The following PLCL2 variants were observed in gnomAD, a reference collection of about 807,000 sequenced individuals.
PLCL2 encodes inactive phospholipase C-like protein 2.
A neutral mutation model predicts 79.6 loss-of-function variants in PLCL2; 4 were observed. That is an observed-to-expected ratio of 0.05 (90% CI 0.02 to 0.11). The LOEUF is 0.11. PLCL2 is among the 10% of genes least tolerant of loss of function. The probability of loss-of-function intolerance (pLI) is 1.00; values close to 1 mark genes in which losing one functional copy is unlikely to be tolerated. For missense variants in PLCL2, 895 were observed against 1,291.0 expected, an observed-to-expected ratio of 0.69 and a Z score of 4.70; for synonymous variants, 484 against 457.7, an observed-to-expected ratio of 1.06 and a Z score of -0.73.
intron 3 of PLCL2, among the ~76,000 whole-genome samples, chr3:17,034,284 C>T (rs1191648304): frequency 6.6e-6 from 1 of 152,126 alleles, no homozygotes; most frequent in Non-Finnish European, 1.5e-5. Flanking sequence ...GGCATCCTGT[C>T]CAGGGTGGGT....
chr3:16,947,924 A>G (rs1035351423), intron 1 of PLCL2, among the ~76,000 whole-genome samples: 1 of 152,242 alleles, frequency 6.6e-6, no homozygotes, highest in African/African-American at 2.4e-5. Flanking sequence ...TTAGTTTTAT[A>G]AAATAGCTCA....
intron 3 of PLCL2, among the ~76,000 whole-genome samples, chr3:17,033,109 T>C (rs2064602788): frequency 6.6e-6 from 1 of 152,166 alleles, no homozygotes; most frequent in African/African-American, 2.4e-5. Context: ...ATAAAAGTTA[T>C]GTAACAGGAA....
intron 1 of PLCL2, among the ~76,000 whole-genome samples, chr3:16,954,287 T>A (rs2063682365): frequency 6.6e-6 from 1 of 152,188 alleles, no homozygotes; most frequent in African/African-American, 2.4e-5. Flanking sequence ...TTTGGTTTTT[T>A]GTCCTTGCGA....
intron 1 of PLCL2, among the ~76,000 whole-genome samples, chr3:17,001,284 G>A (rs1432931741): frequency 6.6e-6 from 1 of 151,778 alleles, no homozygotes; most frequent in Non-Finnish European, 1.5e-5. Flanking sequence ...TGCCTCATTG[G>A]ACAGTTTGCA....
intron 1 of PLCL2, among the ~76,000 whole-genome samples, chr3:16,923,210 G>A (rs1467472279): frequency 2.0e-5 from 3 of 152,198 alleles, no homozygotes; most frequent in Admixed American, 2.0e-4. Flanking sequence ...GAGGGATAAG[G>A]GAGAGCTCAG....
chr3:16,932,534 A>G (rs1020259896), intron 1 of PLCL2, among the ~76,000 whole-genome samples: 2 of 152,206 alleles, frequency 1.3e-5, no homozygotes, highest in Admixed American at 1.3e-4. Flanking sequence ...CATCTTGGTA[A>G]TAAGACAAGA....
At chr3:17,084,899 C>T (rs1204903668) in intron 5 of PLCL2, among the ~76,000 whole-genome samples, 1 of 152,110 alleles carries the variant, frequency 6.6e-6, no homozygotes, top group Non-Finnish European at 1.5e-5. Flanking sequence ...CCACTGCTTT[C>T]AACATTGACC....
At chr3:17,019,117 A>C (rs1203270335) in intron 3 of PLCL2, among the ~76,000 whole-genome samples, 1 of 152,226 alleles carries the variant, frequency 6.6e-6, no homozygotes, top group African/African-American at 2.4e-5. Context: ...GACTTCAGTG[A>C]AACATCGGCC....
At chr3:17,044,922 G>A (rs908192703) in intron 4 of PLCL2, among the ~76,000 whole-genome samples, 2 of 152,134 alleles carry the variant, frequency 1.3e-5, no homozygotes, top group African/African-American at 4.8e-5. Flanking sequence ...TGATTAGGAT[G>A]GGGGGAGAAT....
At chr3:16,963,190 G>A (rs1228584854) in intron 1 of PLCL2, among the ~76,000 whole-genome samples, 2 of 151,972 alleles carry the variant, frequency 1.3e-5, no homozygotes, top group African/African-American at 4.8e-5. Context: ...GCTAATGAAA[G>A]GGTATAGTGA....
chr3:16,948,163 C>A (rs1465487105), intron 1 of PLCL2, among the ~76,000 whole-genome samples: 1 of 152,098 alleles, frequency 6.6e-6, no homozygotes, highest in East Asian at 1.9e-4. Flanking sequence ...TATATCCATA[C>A]CATGGAATAT....
chr3:16,963,432 T>C (rs951424277), intron 1 of PLCL2, among the ~76,000 whole-genome samples: 11 of 152,132 alleles, frequency 7.2e-5, no homozygotes, highest in Admixed American at 6.6e-4. Context: ...AAAATGTATA[T>C]TAGTAATTCA....
intron 1 of PLCL2, among the ~76,000 whole-genome samples, chr3:16,958,717 C>T (rs140739534): frequency 1.7e-3 from 256 of 152,312 alleles, no homozygotes; most frequent in African/African-American, 5.0e-3. Context: ...TTATCTGACT[C>T]TCTTTTCCAC....
chr3:16,936,291 T>A (rs1211799363), intron 1 of PLCL2, among the ~76,000 whole-genome samples: 1 of 152,232 alleles, frequency 6.6e-6, no homozygotes, highest in Non-Finnish European at 1.5e-5. Flanking sequence ...TAGGAGAAAT[T>A]TAGCTGGAAT....
chr3:16,979,285 T>A (rs2063956383), intron 1 of PLCL2, among the ~76,000 whole-genome samples: 1 of 152,130 alleles, frequency 6.6e-6, no homozygotes, highest in Non-Finnish European at 1.5e-5. Flanking sequence ...TGAACCCTAT[T>A]TAAAATGTGG....
At position 17,042,372 on chromosome 3, in the gene PLCL2, A is replaced by G. The variant is rs60189152; in HGVS notation, c.3019-502A>G. On this transcript the variant is annotated intron_variant, in intron 3 of 5. Transcript: ENST00000615277. ...TAAAAATACTAGTTTTAGAGGTACT[A>G]TTAGTGATGAATGGTATCAAATAAA... Among the ~76,000 whole-genome samples, 1,354 of 152,332 alleles carry G rather than the reference A, an allele frequency of 8.9e-3. 17 individuals are homozygous for G. Among genetic ancestry groups the G allele is most frequent in the African/African-American group, 0.03 (1,261 of 41,588 alleles).
chr3:17,080,603 AC>A (rs1053368752), intron 5 of PLCL2, among the ~76,000 whole-genome samples: 7 of 152,024 alleles, frequency 4.6e-5, no homozygotes, highest in Admixed American at 2.6e-4. Context: ...GTCGCCCGCC[AC>A]CATGCCTGGC....
chr3:16,952,786 T>C (rs1289560021), intron 1 of PLCL2, among the ~76,000 whole-genome samples: 1 of 152,132 alleles, frequency 6.6e-6, no homozygotes, highest in Non-Finnish European at 1.5e-5. Flanking sequence ...ATTTACCTTA[T>C]AATAAAATAT....
At chr3:17,042,072 A>T (rs1478141658) in intron 3 of PLCL2, among the ~76,000 whole-genome samples, 1 of 152,258 alleles carries the variant, frequency 6.6e-6, no homozygotes, top group African/African-American at 2.4e-5. Context: ...ATATTTAAAT[A>T]CAAATATGTA....
Sources: gnomAD v4.1 joint callset for allele counts (sites outside exome capture counted in the v4.1 genomes callset) on GRCh38, gnomAD v4.1.1 for gene constraint, MANE v1.5 for transcripts, NCBI Gene and HGNC (gene_info 2026-07-23, HGNC 2026-07-21) for gene names.